The following STX7 variants were observed in gnomAD, a reference collection of about 807,000 sequenced individuals.
STX7 encodes the protein syntaxin 7, also known as syntaxin-7.
Under a neutral mutation model 39.6 loss-of-function variants are expected in STX7, and 34 were observed. That is an observed-to-expected ratio of 0.86 (90% CI 0.65 to 1.14). The LOEUF is 1.14. Among genes scored for constraint, STX7 ranks in the 50% most tolerant of loss-of-function variants. STX7 has a pLI of 0.00. For missense variants in STX7, 284 were observed against 310.4 expected, an observed-to-expected ratio of 0.92 and a Z score of 0.64; for synonymous variants, 119 against 99.1, an observed-to-expected ratio of 1.20 and a Z score of -1.19.
At chr6:132,493,806 C>T (rs2114448757) in intron 2 of STX7, among the ~76,000 whole-genome samples, 1 of 152,248 alleles carries the variant, frequency 6.6e-6, no homozygotes, top group Admixed American at 6.5e-5. Context: ...AAACTAAATG[C>T]CAAGCTTAAC....
At chr6:132,509,991 A>G (rs1473611707) in intron 1 of STX7, among the ~76,000 whole-genome samples, 1 of 152,218 alleles carries the variant, frequency 6.6e-6, no homozygotes, top group Non-Finnish European at 1.5e-5. Flanking sequence ...AATAATAATT[A>G]TATAATTCAT....
rs780695097 is a variant in STX7, at chr6:132,460,877, C to CA, written c.694-28dup. 99 of 1,589,536 alleles carry CA rather than the reference C, an allele frequency of 6.2e-5. 1 individual carries two copies. Among genetic ancestry groups the CA allele is most frequent in the East Asian group, 2.2e-4 (10 of 44,620 alleles). On this transcript the variant is annotated intron_variant, in intron 9 of 9. Coordinates refer to ENST00000367941, the MANE Select transcript of STX7 (RefSeq NM_003569.3). ...TGCAGACGCAAAAAACAAAACAAAACAAAAAAACATGTTTACAGATTTAGT... is the reference window on the plus strand; with the variant it reads ...TGCAGACGCAAAAAACAAAACAAAACAAAAAAAACATGTTTACAGATTTAGT...
At chr6:132,497,294 T>C (rs1196444764) in intron 2 of STX7, among the ~76,000 whole-genome samples, 3 of 152,012 alleles carry the variant, frequency 2.0e-5, no homozygotes, top group Non-Finnish European at 2.9e-5. Context: ...ACAAACATAA[T>C]GAAAGAAGCC....
intron 1 of STX7, among the ~76,000 whole-genome samples, chr6:132,504,065 G>A (rs1055575796): frequency 2.0e-5 from 3 of 152,028 alleles, no homozygotes; most frequent in African/African-American, 7.3e-5. Flanking sequence ...CACTGTATTA[G>A]GTTGTGCAAA....
rs1774124056 is a variant in STX7, at chr6:132,450,920, G to C, written c.*9838C>G. The C allele has an allele frequency of 6.6e-6, 1 of 151,284 alleles. No individual in the cohort carries two copies. The highest frequency in any genetic ancestry group is 1.5e-5 in the Non-Finnish European group (1 of 67,846). 9.4% of individuals were successfully genotyped at this position (151,284 alleles called of 1,614,324 possible). A position where few individuals can be genotyped will look rare whatever the true frequency, so the allele number is the denominator to read the frequency against. ...TGGCAAAAGACATAAACATATAGATGGTGAGAAGACCTCAAATATAATAAA... is the reference window on the plus strand; with the variant it reads ...TGGCAAAAGACATAAACATATAGATCGTGAGAAGACCTCAAATATAATAAA... On this transcript the variant is annotated 3_prime_UTR_variant, in exon 10 of 10. Coordinates refer to ENST00000367941, the MANE Select transcript of STX7 (RefSeq NM_003569.3).
Position 132,470,565 on chromosome 6 carries a change from A to T in STX7, c.440+9T>A, listed in dbSNP as rs1202959710. ...CCTTTTGATCTGTAAAATGTTTTGT[A>T]TTTCTTACCTTTCCCAGGATACAAG... On this transcript the variant is annotated intron_variant, in intron 6 of 9. Transcript: ENST00000367941. 2 of 1,599,798 alleles carry T rather than the reference A, an allele frequency of 1.3e-6. No homozygotes were observed. Among genetic ancestry groups the T allele is most frequent in the African/African-American group, 2.7e-5 (2 of 74,602 alleles).
chr6:132,455,576 C>G lies in STX7; in HGVS notation c.*5182G>C, dbSNP rs530959804. The G allele has an allele frequency of 6.6e-6, 1 of 152,304 alleles. No homozygotes were observed. Among genetic ancestry groups the G allele is most frequent in the South Asian group, 2.1e-4 (1 of 4,828 alleles). 9.4% of individuals were successfully genotyped at this position (152,304 alleles called of 1,614,324 possible). On this transcript the variant is annotated 3_prime_UTR_variant, in exon 10 of 10. Transcript: ENST00000367941. ...ATCTGGTTTTGCCTTCCACCACTTA[C>G]ATTTTAAGCATAAATGCCATCACTA...
rs142841434 is a variant in STX7 at position 132,502,878 on chromosome 6, G to C, written c.85+568C>G. ...CGTACCACTGCACTCCAGCCTGGGC[G>C]ACAGAGTGAGGCTGTCTCTAAAAAA... On this transcript the variant is annotated intron_variant, in intron 2 of 9. Transcript: ENST00000367941. Among the ~76,000 whole-genome samples the C allele has an allele frequency of 4.3e-3, 661 of 151,982 alleles. 4 individuals carry two copies. Among genetic ancestry groups the C allele is most frequent in the Middle Eastern group, 0.017 (5 of 294 alleles).
rs997963203 is a variant in STX7 at position 132,460,122 on chromosome 6, T to A, written c.*636A>T. 6.6e-6 allele frequency: 1 copy of A among 152,208 alleles called. No homozygotes were observed. Among genetic ancestry groups the A allele is most frequent in the African/African-American group, 2.4e-5 (1 of 41,454 alleles). The allele number at this position is 152,208 out of a possible 1,614,324, so 9.4% of individuals were successfully genotyped here. ...ATATGTAAAAACAACCTATCCTTAG[T>A]AATTTTACTAGGCAATCTACAGCAA... is the stretch of plus-strand genomic sequence containing the variant. On this transcript the variant is annotated 3_prime_UTR_variant, in exon 10 of 10. Transcript: ENST00000367941.
chr6:132,486,697 C>T (rs1355596653), intron 2 of STX7, among the ~76,000 whole-genome samples: 8 of 127,448 alleles, frequency 6.3e-5, no homozygotes, highest in Non-Finnish European at 1.1e-4. Context: ...CAGAGTCTTG[C>T]TCTGTCATGC....
At chr6:132,467,950 A>C (rs997140829) in intron 8 of STX7, among the ~76,000 whole-genome samples, 1 of 152,318 alleles carries the variant, frequency 6.6e-6, no homozygotes, top group East Asian at 1.9e-4. Flanking sequence ...CATCTACCAA[A>C]AAGCTATTAA....
intron 2 of STX7, among the ~76,000 whole-genome samples, chr6:132,499,007 T>C (rs532784934): frequency 1.3e-5 from 2 of 152,270 alleles, no homozygotes; most frequent in African/African-American, 4.8e-5. Context: ...TTGCTTCCCA[T>C]TTCATTTAAG....
In STX7 at chr6:132,448,088, A is replaced by G. The variant is rs1774056098; in HGVS notation, c.*12670T>C. On this transcript the variant is annotated 3_prime_UTR_variant, in exon 10 of 10. Transcript: ENST00000367941. ...AGATTAACAACATCTAAAGTCATTC[A>G]TTATCTTAACTTCCATCCTAAAGAG... The G allele has an allele frequency of 6.6e-6, 1 of 152,162 alleles. No homozygotes were observed. Among genetic ancestry groups the G allele is most frequent in the Non-Finnish European group, 1.5e-5 (1 of 68,018 alleles). The allele number at this position is 152,162 out of a possible 1,614,324, so 9.4% of individuals were successfully genotyped here.
intron 2 of STX7, among the ~76,000 whole-genome samples, chr6:132,495,077 A>G (rs971270430): frequency 3.9e-5 from 6 of 152,208 alleles, no homozygotes; most frequent in African/African-American, 1.4e-4. Flanking sequence ...CAAGGGTAAG[A>G]AAGTTCATGT....
chr6:132,461,453 C>T (rs780759436), intron 9 of STX7, among the ~76,000 whole-genome samples: 8 of 151,864 alleles, frequency 5.3e-5, no homozygotes, highest in East Asian at 1.9e-4. Context: ...ATTACAGGCG[C>T]GTGCCACCAC....
At chr6:132,471,442 A>G (rs1774718154) in intron 5 of STX7, 21 bp downstream of exon 5, 1 of 1,603,618 alleles carries the variant, frequency 6.2e-7, no homozygotes, top group East Asian at 2.2e-5. Flanking sequence ...TCATTTCTAG[A>G]ATGTCTTTTA....
Position 132,448,368 on chromosome 6 carries a change from ATTC to A in STX7, c.*12387_*12389del, listed in dbSNP as rs1409876202. ...TTGCTGTACTCTAAAATTCATCTTT[ATTC>A]TTAAGTGAAAGTCCCTTGTTTGTAA... On this transcript the variant is annotated 3_prime_UTR_variant, in exon 10 of 10. Coordinates refer to ENST00000367941, the MANE Select transcript of STX7 (RefSeq NM_003569.3). The A allele has an allele frequency of 2.0e-5, 3 of 152,154 alleles. No individual in the cohort carries two copies. The highest frequency in any genetic ancestry group is 7.2e-5 in the African/African-American group (3 of 41,418). The allele number at this position is 152,154 out of a possible 1,614,324, so 9.4% of individuals were successfully genotyped here.
chr6:132,493,573 C>T (rs904360187), intron 2 of STX7, among the ~76,000 whole-genome samples: 2 of 152,336 alleles, frequency 1.3e-5, no homozygotes, highest in South Asian at 2.1e-4. Flanking sequence ...GCTTTTCCTT[C>T]GTCTTCCGCC....
chr6:132,493,518 C>G (rs1775346412), intron 2 of STX7, among the ~76,000 whole-genome samples: 1 of 152,144 alleles, frequency 6.6e-6, no homozygotes, highest in Admixed American at 6.5e-5. Flanking sequence ...GGGAGCTCCC[C>G]TGCACAAGTC....
Sources: gnomAD v4.1 joint callset for allele counts (sites outside exome capture counted in the v4.1 genomes callset) on GRCh38, gnomAD v4.1.1 for gene constraint, MANE v1.5 for transcripts, NCBI Gene and HGNC (gene_info 2026-07-23, HGNC 2026-07-21) for gene names.